Variants in CADM2 observed in about 807,000 individuals in gnomAD.
The protein encoded by CADM2 is cell adhesion molecule 2.
Under a neutral mutation model 49.8 loss-of-function variants are expected in CADM2, and 12 were observed. That is an observed-to-expected ratio of 0.24 (90% CI 0.15 to 0.39). The LOEUF is 0.39. Among genes scored for constraint, CADM2 ranks in the 10% least tolerant of loss-of-function variants. The pLI is 1.00. For synonymous variants in CADM2, 214 were observed against 175.4 expected (o/e 1.22, Z -1.74); for missense variants, 378 against 492.3 (o/e 0.77, Z 2.20).
intron 1 of CADM2, among the ~76,000 whole-genome samples, chr3:85,333,505 C>T (rs1390735617): frequency 6.6e-6 from 1 of 151,592 alleles, no homozygotes; most frequent in African/African-American, 2.4e-5. Flanking sequence ...TCTAACTGAC[C>T]ACTTAGTTTG....
Position 85,574,681 on chromosome 3 carries a change from A to G in CADM2, c.62-151841A>G, listed in dbSNP as rs550434846. On this transcript the variant is annotated intron_variant, in intron 1 of 9. Coordinates refer to ENST00000383699, the MANE Select transcript of CADM2 (RefSeq NM_001167675.2). ...CAAAAATTCCAACTCTGTAAAATGTACAATAGAAAATATATACCCAGTGTA... is the reference window on the plus strand; with the variant it reads ...CAAAAATTCCAACTCTGTAAAATGTGCAATAGAAAATATATACCCAGTGTA... Among the ~76,000 whole-genome samples the G allele has an allele frequency of 2.0e-5, 3 of 152,338 alleles. No homozygotes were observed. The East Asian group carries it at 5.8e-4, about 29-fold the overall frequency.
At chr3:85,491,629 G>T (rs1039649721) in intron 1 of CADM2, among the ~76,000 whole-genome samples, 1 of 151,968 alleles carries the variant, frequency 6.6e-6, no homozygotes, top group African/African-American at 2.4e-5. Flanking sequence ...TACCACTGTG[G>T]TCACACATCT....
chr3:86,040,945 G>T (rs1004856129), intron 8 of CADM2, among the ~76,000 whole-genome samples: 1 of 152,122 alleles, frequency 6.6e-6, no homozygotes, highest in Admixed American at 6.6e-5. Context: ...TTAAAGAAAA[G>T]AATTTTCAAC....
chr3:85,430,658 A>G (rs1331858876), intron 1 of CADM2, among the ~76,000 whole-genome samples: 2 of 145,254 alleles, frequency 1.4e-5, no homozygotes, highest in African/African-American at 2.5e-5. Flanking sequence ...AAAAACAGAA[A>G]GAGAAAGAGG....
intron 8 of CADM2, among the ~76,000 whole-genome samples, chr3:86,008,572 T>G (rs1322258268): frequency 6.6e-6 from 1 of 152,088 alleles, no homozygotes; most frequent in African/African-American, 2.4e-5. Flanking sequence ...CAATACGTAA[T>G]CTATGCAAAC....
At chr3:85,359,901 A>C (rs910611473) in intron 1 of CADM2, among the ~76,000 whole-genome samples, 5 of 151,286 alleles carry the variant, frequency 3.3e-5, no homozygotes, top group African/African-American at 1.2e-4. Context: ...ATAGTATTCT[A>C]TCAGGCAGAT....
At chr3:85,339,801 A>G (rs972062264) in intron 1 of CADM2, among the ~76,000 whole-genome samples, 26 of 151,490 alleles carry the variant, frequency 1.7e-4, no homozygotes, top group Non-Finnish European at 3.3e-4. Context: ...GTAAAGAAAA[A>G]ATATACTGAA....
intron 5 of CADM2, among the ~76,000 whole-genome samples, chr3:85,894,255 C>A (rs1356975804): frequency 2.6e-5 from 4 of 152,084 alleles, no homozygotes; most frequent in East Asian, 1.9e-4. Flanking sequence ...TGACAAAAAA[C>A]CAAACACCGC....
chr3:85,887,191 A>AT (rs766316056), intron 5 of CADM2, among the ~76,000 whole-genome samples: 8 of 133,002 alleles, frequency 6.0e-5, no homozygotes, highest in African/African-American at 1.7e-4. Context: ...GGCTCCAGTG[A>AT]TTTTCCCGCC....
intron 1 of CADM2, among the ~76,000 whole-genome samples, chr3:85,519,625 A>G (rs2060985220): frequency 6.6e-6 from 1 of 152,164 alleles, no homozygotes; most frequent in South Asian, 2.1e-4. Context: ...TATAATATTA[A>G]TAAACACGAC....
intron 3 of CADM2, among the ~76,000 whole-genome samples, chr3:85,824,151 A>T (rs2108199953): frequency 6.6e-6 from 1 of 152,296 alleles, no homozygotes; most frequent in East Asian, 1.9e-4. Flanking sequence ...CTTAAAAAGC[A>T]CTAACTCATA....
At chr3:85,751,840 T>A (rs139333626) in intron 2 of CADM2, among the ~76,000 whole-genome samples, 290 of 152,268 alleles carry the variant, frequency 1.9e-3, no homozygotes, top group Middle Eastern at 0.01. Flanking sequence ...TCATCTCAAA[T>A]GACCTTTATA....
At chr3:85,140,208 A>G (rs1173746256) in intron 1 of CADM2, among the ~76,000 whole-genome samples, 1 of 152,166 alleles carries the variant, frequency 6.6e-6, no homozygotes, top group African/African-American at 2.4e-5. Flanking sequence ...CAGTTACTAT[A>G]TATTTTTATG....
chr3:86,068,084 T>C lies in CADM2; in HGVS notation c.*1301T>C, dbSNP rs116560427. On this transcript the variant is annotated 3_prime_UTR_variant, in exon 10 of 10. Transcript: ENST00000383699. ...TTGCCAAAAAGAAGTGTTTAAGATA[T>C]GTTTTCTGTATAAATGAACTAATTC... 6.0e-3 allele frequency: 909 copies of C among 152,544 alleles called. 5 individuals carry two copies. The highest frequency in any genetic ancestry group is 0.017 in the Middle Eastern group (5 of 294). 9.4% of individuals were successfully genotyped at this position (152,544 alleles called of 1,614,324 possible).
intron 1 of CADM2, among the ~76,000 whole-genome samples, chr3:85,637,825 G>GA (rs2064564035): frequency 6.6e-6 from 1 of 151,716 alleles, no homozygotes; most frequent in South Asian, 2.1e-4. Flanking sequence ...TTTCCTCCAG[G>GA]AAAAAATAAT....
At chr3:85,827,740 G>A (rs1344629937) in intron 3 of CADM2, among the ~76,000 whole-genome samples, 1 of 151,952 alleles carries the variant, frequency 6.6e-6, no homozygotes, top group Non-Finnish European at 1.5e-5. Flanking sequence ...TAATGCTGCT[G>A]TGCTGTATTT....
chr3:85,212,880 T>TCTCTCTCTCTCTCTCTCTCTCTCTC (rs1559723868), intron 1 of CADM2, among the ~76,000 whole-genome samples: 1 of 89,056 alleles, frequency 1.1e-5, no homozygotes, highest in African/African-American at 4.6e-5. Flanking sequence ...CTTTCTTTCT[T>TCTCTCTCTCTCTCTCTCTCTCTCTC]TCTTTCTCTT....
intron 1 of CADM2, among the ~76,000 whole-genome samples, chr3:85,206,273 T>C (rs1269953506): frequency 6.6e-6 from 1 of 151,914 alleles, no homozygotes; most frequent in Non-Finnish European, 1.5e-5. Flanking sequence ...AAATCAAGCA[T>C]TCAAAGCACA....
chr3:85,763,538 A>T (rs2069501187), intron 2 of CADM2, among the ~76,000 whole-genome samples: 1 of 152,162 alleles, frequency 6.6e-6, no homozygotes, highest in African/African-American at 2.4e-5. Flanking sequence ...TGAAGAAAGT[A>T]TCTCTTCATT....
Sources: gnomAD v4.1 joint callset for allele counts (sites outside exome capture counted in the v4.1 genomes callset) on GRCh38, gnomAD v4.1.1 for gene constraint, MANE v1.5 for transcripts, NCBI Gene and HGNC (gene_info 2026-07-23, HGNC 2026-07-21) for gene names.